PCBP3: variants seen among roughly 807,000 people sequenced by gnomAD.
PCBP3 encodes the protein poly(rC) binding protein 3.
Under a neutral mutation model 52.7 loss-of-function variants are expected in PCBP3, and 25 were observed. The observed-to-expected ratio is 0.47, with a 90% confidence interval of 0.35 to 0.66. PCBP3 has a LOEUF of 0.66. PCBP3 is among the 30% of genes least tolerant of loss of function. PCBP3 has a pLI of 0.01. For missense variants in PCBP3, 391 were observed against 490.3 expected (o/e 0.80, Z 1.91); for synonymous variants, 162 against 183.0 (o/e 0.89, Z 0.93).
At chr21:45,856,242 G>A (rs968722894) in intron 5 of PCBP3, among the ~76,000 whole-genome samples, 2 of 152,140 alleles carry the variant, frequency 1.3e-5, no homozygotes, top group African/African-American at 4.8e-5. Flanking sequence ...CTCTAAGGGT[G>A]GACACCTATG....
At chr21:45,890,977 G>C (rs372415875) in intron 5 of PCBP3, among the ~76,000 whole-genome samples, 35 of 150,096 alleles carry the variant, frequency 2.3e-4, no homozygotes, top group East Asian at 1.6e-3. Flanking sequence ...ACTCTGCACT[G>C]CTGAGGGGAA....
At chr21:45,814,816 G>GA (rs1655701733) in intron 4 of PCBP3, among the ~76,000 whole-genome samples, 3 of 129,960 alleles carry the variant, frequency 2.3e-5, no homozygotes, top group Non-Finnish European at 3.3e-5. Flanking sequence ...GTGAGTGAGT[G>GA]GTGAGTGGTG....
chr21:45,825,655 A>G (rs1006620588), intron 4 of PCBP3, among the ~76,000 whole-genome samples: 2 of 152,132 alleles, frequency 1.3e-5, no homozygotes, highest in African/African-American at 4.8e-5. Flanking sequence ...CATATAGATC[A>G]TTATTTCTTT....
At chr21:45,719,626 T>G (rs192726619) in intron 2 of PCBP3, among the ~76,000 whole-genome samples, 77 of 152,304 alleles carry the variant, frequency 5.1e-4, no homozygotes, top group Admixed American at 1.6e-3. Flanking sequence ...CATCTGGCAC[T>G]TCTCCATCCT....
At chr21:45,654,655 T>A (rs1339111909) in intron 1 of PCBP3, among the ~76,000 whole-genome samples, 1 of 152,182 alleles carries the variant, frequency 6.6e-6, no homozygotes, top group Non-Finnish European at 1.5e-5. Context: ...ACATATTTTT[T>A]AATCTAAAAA....
Position 45,717,702 on chromosome 21 carries a change from A to C in PCBP3, c.-199-17690A>C, listed in dbSNP as rs180834746. 4.9e-3 allele frequency among the ~76,000 whole-genome samples: 740 copies of C among 152,286 alleles called. 3 individuals carry two copies. Among genetic ancestry groups the C allele is most frequent in the Middle Eastern group, 0.01 (3 of 294 alleles). On this transcript the variant is annotated intron_variant, in intron 2 of 17. Transcript: ENST00000681687. ...TAAACCCCACTTGATTATAGTGTGT[A>C]ATCTTTTTTATATATTGTTAGATTT...
intron 5 of PCBP3, among the ~76,000 whole-genome samples, chr21:45,861,054 C>G (rs3788207): frequency 0.033 from 5,004 of 152,288 alleles, 171 homozygotes; most frequent in East Asian, 0.11. Flanking sequence ...AGGCCCCTGC[C>G]CCAGTTCCCC....
chr21:45,849,778 A>G (rs1309870789), intron 4 of PCBP3, among the ~76,000 whole-genome samples, 183 bp from the exon 5 acceptor site: 3 of 152,148 alleles, frequency 2.0e-5, no homozygotes, highest in Non-Finnish European at 4.4e-5. Flanking sequence ...GTTGGGGGGA[A>G]GAGCCCCAGG....
chr21:45,935,199 T>C (rs1463043818), intron 15 of PCBP3, 54 bp from the exon 16 acceptor site: 1 of 1,234,630 alleles, frequency 8.1e-7, no homozygotes, highest in Non-Finnish European at 1.2e-6. Context: ...GGCACTGGAG[T>C]GTGACTGTTA....
chr21:45,646,053 T>TTCTCTCTCTCTCTCTCTCTC (rs10682556), intron 1 of PCBP3, among the ~76,000 whole-genome samples: 1 of 71,538 alleles, frequency 1.4e-5, no homozygotes, highest in African/African-American at 4.7e-5. Flanking sequence ...TGTCACCTGT[T>TTCTCTCTCTCTCTCTCTCTC]TCTCTCTCTC....
chr21:45,800,530 GC>G lies in PCBP3; in HGVS notation c.-126+45080del. Among the ~76,000 whole-genome samples, 1 of 152,224 alleles carries G rather than the reference GC, an allele frequency of 6.6e-6. No individual in the cohort carries two copies. The highest frequency in any genetic ancestry group is 1.5e-5 in the Non-Finnish European group (1 of 68,000). On this transcript the variant is annotated intron_variant, in intron 4 of 17. Coordinates refer to ENST00000681687, the MANE Select transcript of PCBP3 (RefSeq NM_001384156.1). This position sits in a 1 kb window ranked among gnomAD's most constrained non-coding sequence, Gnocchi z 5.3. ...GACCTGACCCTGAGGCCCCCTCCCT[GC>G]CATGCCTCTAACCCACCCAACACCA... is the stretch of plus-strand genomic sequence containing the variant.
chr21:45,820,379 C>T (rs755933897), intron 4 of PCBP3, among the ~76,000 whole-genome samples: 23 of 152,234 alleles, frequency 1.5e-4, no homozygotes, highest in Admixed American at 5.9e-4. Flanking sequence ...TTGTCACCCA[C>T]GGATAGGAGT....
chr21:45,713,460 C>A (rs2083992932), intron 2 of PCBP3, among the ~76,000 whole-genome samples: 1 of 152,226 alleles, frequency 6.6e-6, no homozygotes, highest in Non-Finnish European at 1.5e-5. Context: ...TACAGACACA[C>A]CTCGTCTGTC....
At chr21:45,770,040 C>T (rs557920274) in intron 4 of PCBP3, among the ~76,000 whole-genome samples, 1 of 152,320 alleles carries the variant, frequency 6.6e-6, no homozygotes, top group East Asian at 1.9e-4. Context: ...CTCACCACCA[C>T]AGGACATGGT....
At position 45,653,574 on chromosome 21, in the gene PCBP3, A is replaced by G. The variant is rs192101844; in HGVS notation, c.-279+9706A>G. 2.2e-3 allele frequency among the ~76,000 whole-genome samples: 340 copies of G among 152,234 alleles called. 2 individuals are homozygous for G. Among genetic ancestry groups the G allele is most frequent in the African/African-American group, 7.7e-3 (318 of 41,536 alleles). ...TGCTAGATGTTTTAGGCTCATATTT[A>G]CATACTATCTTTGTTTTTTATCTTA... On this transcript the variant is annotated intron_variant, in intron 1 of 17. Coordinates refer to ENST00000681687, the MANE Select transcript of PCBP3 (RefSeq NM_001384156.1).
In PCBP3 at chr21:45,940,131, A is replaced by T. The variant is rs1025442584; in HGVS notation, c.1011A>T (p.Ser337=). 2 of 1,614,174 alleles carry T rather than the reference A, an allele frequency of 1.2e-6. No individual in the cohort carries two copies. The highest frequency in any genetic ancestry group is 1.7e-6 in the Non-Finnish European group (2 of 1,179,994). The change falls in exon 17 of 18, where the codon TCA becomes TCT. Residue 337 remains serine, a synonymous_variant. Coordinates refer to ENST00000681687, the MANE Select transcript of PCBP3 (RefSeq NM_001384156.1). ...TCGCCAACGCCACGGAAGGGTCCTC[A>T]GAGCGTCAGATCACCATCACGGGGA... ...IKIANATEGS[S]ERQITITGTP... is the part of the protein sequence containing the mutation.
intron 5 of PCBP3, among the ~76,000 whole-genome samples, chr21:45,881,392 C>G (rs774559402): frequency 6.6e-6 from 1 of 152,102 alleles, no homozygotes; most frequent in Non-Finnish European, 1.5e-5. Flanking sequence ...TGGTGAGGTT[C>G]GAGTGATCCT....
At chr21:45,716,756 G>A (rs774827066) in intron 2 of PCBP3, among the ~76,000 whole-genome samples, 8 of 152,204 alleles carry the variant, frequency 5.3e-5, no homozygotes, top group Non-Finnish European at 1.2e-4. Context: ...AATGTATTGA[G>A]TGCTGTAGCT....
At chr21:45,658,726 G>A (rs776565699) in intron 1 of PCBP3, among the ~76,000 whole-genome samples, 9 of 152,154 alleles carry the variant, frequency 5.9e-5, no homozygotes, top group Non-Finnish European at 1.2e-4. Flanking sequence ...GCAAGTGTCC[G>A]TTTCTCCTTG....
Sources: allele counts gnomAD v4.1 joint callset (sites outside exome capture counted in the v4.1 genomes callset), GRCh38; gene constraint gnomAD v4.1.1; non-coding constraint Gnocchi (gnomAD v3.1); transcripts MANE v1.5; gene names NCBI Gene and HGNC (gene_info 2026-07-23, HGNC 2026-07-21).